PCSK5: variants seen among roughly 807,000 people sequenced by gnomAD.
PCSK5 encodes proprotein convertase subtilisin/kexin type 5.
Under a neutral mutation model 233.2 loss-of-function variants are expected in PCSK5, and 129 were observed. The observed-to-expected ratio is 0.55, with a 90% CI of 0.48 to 0.64. The LOEUF (loss-of-function observed/expected upper bound fraction) is 0.64, where lower values mean the gene tolerates loss of function less well. PCSK5 is among the 30% of genes least tolerant of loss of function. The pLI is 0.00. For missense variants in PCSK5, 2,076 were observed against 2,430.1 expected, an observed-to-expected ratio of 0.85 and a Z score of 3.06; for synonymous variants, 825 against 879.2, an observed-to-expected ratio of 0.94 and a Z score of 1.09.
chr9:76,328,273 C>T (rs762487621), intron 33 of PCSK5, 34 bp downstream of exon 33: 2 of 1,494,168 alleles, frequency 1.3e-6, no homozygotes, highest in Admixed American at 3.3e-5. Flanking sequence ...CTTTGTGTTT[C>T]CATCTCTCTG....
At chr9:76,351,497 A>G (rs886828973) in intron 36 of PCSK5, among the ~76,000 whole-genome samples, 2 of 112,606 alleles carry the variant, frequency 1.8e-5, no homozygotes, top group South Asian at 3.4e-4. Context: ...AGAAAGAAAG[A>G]AAGAAAGAAA....
chr9:76,059,027 T>A (rs141931906), intron 5 of PCSK5, among the ~76,000 whole-genome samples: 1 of 152,126 alleles, frequency 6.6e-6, no homozygotes, highest in East Asian at 1.9e-4. Context: ...TGTATAACAA[T>A]CTAAGTGAAT....
At position 76,023,660 on chromosome 9, in the gene PCSK5, CAAAAG is replaced by C. The variant is rs913421940; in HGVS notation, c.412-74_412-70del. The C allele has an allele frequency of 4.4e-5, 58 of 1,309,198 alleles. 1 individual carries two copies. Among genetic ancestry groups the C allele is most frequent in the African/African-American group, 2.7e-4 (18 of 65,966 alleles). The allele number at this position is 1,309,198 out of a possible 1,614,324, so 81.1% of individuals were successfully genotyped here. A position where few individuals can be genotyped will look rare whatever the true frequency, so the allele number is the denominator to read the frequency against. On this transcript the variant is annotated intron_variant, in intron 3 of 37. Coordinates refer to ENST00000674117, the MANE Select transcript of PCSK5 (RefSeq NM_001372043.1). ...CCTGGGCAGCAGAGAAAAAAAAAAA[CAAAAG>C]AAAGAAAGAAATAGGTAATTCTTCC...
At position 76,302,166 on chromosome 9, in the gene PCSK5, G is replaced by A. The variant is rs1828630983; in HGVS notation, c.3553G>A (p.Val1185Met). The change falls in exon 28 of 38, where the codon GTG becomes ATG. Residue 1185 changes from valine to methionine, a missense_variant. Physicochemically the swap from Val to Met is conservative, Grantham distance 21 (BLOSUM62 1). This residue lies in a region of PCSK5 where 1,510 missense variants were observed against 1,538.1 expected (regional missense o/e 0.98). Transcript: ENST00000674117. ...TGTGTCCACTGCAAACCTATCTGTG[G>A]TGAAGAGCCTGCTGCAGGAGCGACG... ...EAVSTANLSV[V>M]KSLLQERRRW... The A allele has an allele frequency of 2.2e-6, 3 of 1,353,644 alleles. No homozygotes were observed. Among genetic ancestry groups the A allele is most frequent in the African/African-American group, 3.0e-5 (2 of 66,660 alleles). 83.9% of individuals were successfully genotyped at this position (1,353,644 alleles called of 1,614,324 possible).
At chr9:76,243,274 G>T (rs372690503) in intron 24 of PCSK5, among the ~76,000 whole-genome samples, 2 of 152,122 alleles carry the variant, frequency 1.3e-5, no homozygotes, top group Non-Finnish European at 2.9e-5. Context: ...CTGAGTGCTC[G>T]CCTTGATGGG....
intron 3 of PCSK5, among the ~76,000 whole-genome samples, chr9:75,988,308 CA>C (rs1563957522): frequency 1.3e-5 from 2 of 148,316 alleles, no homozygotes; most frequent in African/African-American, 5.0e-5. Context: ...TTTTTTTTGA[CA>C]GAGTCTCGCT....
intron 7 of PCSK5, among the ~76,000 whole-genome samples, chr9:76,077,882 C>G (rs968081312): frequency 6.6e-5 from 10 of 152,152 alleles, no homozygotes; most frequent in Non-Finnish European, 1.5e-4. Context: ...GTGCTTGTGT[C>G]TTTTTGGTAG....
At chr9:76,183,876 C>T (rs1411446744) in intron 16 of PCSK5, among the ~76,000 whole-genome samples, 1 of 152,284 alleles carries the variant, frequency 6.6e-6, no homozygotes, top group Non-Finnish European at 1.5e-5. Flanking sequence ...GGTACCAAGA[C>T]ATTAGCAAAA....
intron 10 of PCSK5, among the ~76,000 whole-genome samples, chr9:76,155,444 A>T (rs189460555): frequency 6.6e-6 from 1 of 152,232 alleles, no homozygotes; most frequent in South Asian, 2.1e-4. Context: ...CATAGAACAT[A>T]TAAAGAAACA....
Position 76,323,223 on chromosome 9 carries a change from A to T in PCSK5, c.4274A>T (p.Asp1425Val). ...CTTGAGAGTTCCTGGGTCCTCTATG[A>T]TGGACTGTGCTTGGAGGAGTGTCCA... ...LCLESSWVLY[D>V]GLCLEECPAG... Residue 1425 changes from aspartate (D) to valine (V), a missense_variant, in exon 32 of 38, where the codon GAT (aspartate) becomes GTT (valine). Asp to Val is a radical substitution (Grantham distance 152). Coordinates refer to ENST00000674117, the MANE Select transcript of PCSK5 (RefSeq NM_001372043.1). The T allele has an allele frequency of 1.2e-6, 2 of 1,612,774 alleles. No homozygotes were observed. The highest frequency in any genetic ancestry group is 4.5e-5 in the East Asian group (2 of 44,872).
chr9:75,903,925 A>G (rs192509468), intron 1 of PCSK5, among the ~76,000 whole-genome samples: 7 of 152,238 alleles, frequency 4.6e-5, no homozygotes, highest in African/African-American at 1.7e-4. Flanking sequence ...TCATTTAACT[A>G]ATATGTTTGT....
intron 2 of PCSK5, among the ~76,000 whole-genome samples, chr9:75,976,131 TAAGAACCTGA>T (rs1366999143): frequency 1.3e-5 from 2 of 152,180 alleles, no homozygotes; most frequent in African/African-American, 4.8e-5. Flanking sequence ...GTTTAAAATG[TAAGAACCTGA>T]AATACAAGTT....
intron 21 of PCSK5, among the ~76,000 whole-genome samples, chr9:76,229,282 C>T (rs754638576): frequency 3.9e-5 from 6 of 152,222 alleles, no homozygotes; most frequent in African/African-American, 7.2e-5. Flanking sequence ...CATGTTTGGA[C>T]GTCTTTTGAA....
chr9:76,233,553 A>G lies in PCSK5; in HGVS notation c.2823A>G (p.Arg941=). The part of the protein sequence containing the change: ...QCHPCHHTCQ[R]CQGSGPTHCT... ...ATCCATGCCACCACACCTGCCAGAG[A>G]TGCCAAGGAAGTGGCCCTACCCACT... Residue 941 remains arginine, a synonymous_variant, in exon 22 of 38, where the codon AGA becomes AGG. Coordinates refer to ENST00000674117, the MANE Select transcript of PCSK5 (RefSeq NM_001372043.1). The G allele has an allele frequency of 6.2e-7, 1 of 1,612,188 alleles. No individual in the cohort carries two copies. Among genetic ancestry groups the G allele is most frequent in the Non-Finnish European group, 8.5e-7 (1 of 1,179,792 alleles).
At chr9:75,936,071 T>C (rs1303624995) in intron 2 of PCSK5, among the ~76,000 whole-genome samples, 1 of 152,238 alleles carries the variant, frequency 6.6e-6, no homozygotes, top group Non-Finnish European at 1.5e-5. Flanking sequence ...TCCTGTAGTC[T>C]ATTAAGTGTG....
chr9:76,301,563 C>G (rs950825143), intron 27 of PCSK5, among the ~76,000 whole-genome samples: 2 of 152,246 alleles, frequency 1.3e-5, no homozygotes, highest in Non-Finnish European at 2.9e-5. Flanking sequence ...ATGTTTACAG[C>G]TGGGCACGGT....
At chr9:76,079,740 T>G (rs1830767458) in intron 7 of PCSK5, among the ~76,000 whole-genome samples, 1 of 152,176 alleles carries the variant, frequency 6.6e-6, no homozygotes. Flanking sequence ...CCTGTCTTGT[T>G]TCGGTTCTCA....
intron 31 of PCSK5, among the ~76,000 whole-genome samples, chr9:76,322,471 T>C (rs1434784379): frequency 6.6e-6 from 1 of 152,194 alleles, no homozygotes; most frequent in Non-Finnish European, 1.5e-5. Flanking sequence ...TAAGACAGAC[T>C]CATTTAACTG....
At chr9:76,082,846 A>G (rs888712692) in intron 7 of PCSK5, among the ~76,000 whole-genome samples, 1 of 152,146 alleles carries the variant, frequency 6.6e-6, no homozygotes, top group African/African-American at 2.4e-5. Context: ...AAAACTTGAA[A>G]TGGTATCTTT....
Sources: gnomAD v4.1 joint callset for allele counts (sites outside exome capture counted in the v4.1 genomes callset) on GRCh38, gnomAD v4.1.1 for gene constraint, gnomAD v4.1.1 regional missense constraint, MANE v1.5 for transcripts, NCBI Gene and HGNC (gene_info 2026-07-23, HGNC 2026-07-21) for gene names.